The following SPTBN1 variants were observed in gnomAD, a reference collection of about 807,000 sequenced individuals.
The protein encoded by SPTBN1 is spectrin beta, non-erythrocytic 1.
A neutral mutation model predicts 266.4 loss-of-function variants in SPTBN1; 32 were observed. The observed-to-expected ratio is 0.12, with a 90% CI of 0.09 to 0.16. The LOEUF is 0.16. Ranked by LOEUF, SPTBN1 falls within the 10% of genes least tolerant of loss-of-function variation. The pLI is 1.00. For synonymous variants in SPTBN1, 1,336 were observed against 1,162.2 expected (o/e 1.15, Z -3.04); for missense variants, 2,296 against 3,067.1 (o/e 0.75, Z 5.94).
rs750770468 is a variant in SPTBN1, at chr2:54,656,058, T to C, written c.6046+60T>C. On this transcript the variant is annotated intron_variant, in intron 29 of 35. Coordinates refer to ENST00000356805, the MANE Select transcript of SPTBN1 (RefSeq NM_003128.3). Reference sequence around the variant, plus strand: ...TATCAATGGAAAACATGCACGTTTATTTTCTTGCTTTAATTCATTAATGTT... The same window carrying C: ...TATCAATGGAAAACATGCACGTTTACTTTCTTGCTTTAATTCATTAATGTT... 6.3e-5 allele frequency: 89 copies of C among 1,417,552 alleles called. No individual in the cohort carries two copies. In the Middle Eastern group the frequency reaches 1.2e-3, roughly 20 times the overall value. The allele number at this position is 1,417,552 out of a possible 1,614,324, so 87.8% of individuals were successfully genotyped here. A position where few individuals can be genotyped will look rare whatever the true frequency, so the allele number is the denominator to read the frequency against.
At chr2:54,518,469 AG>A in intron 1 of SPTBN1, among the ~76,000 whole-genome samples, 1 of 151,226 alleles carries the variant, frequency 6.6e-6, no homozygotes, top group African/African-American at 2.4e-5. Flanking sequence ...AAAAAAAAAA[AG>A]AAACAGTGGT....
intron 1 of SPTBN1, among the ~76,000 whole-genome samples, chr2:54,518,807 G>A (rs904659564): frequency 2.6e-5 from 4 of 152,154 alleles, no homozygotes; most frequent in African/African-American, 9.7e-5. Context: ...AAGGAAGTGT[G>A]TGTATATGGG....
intron 2 of SPTBN1, among the ~76,000 whole-genome samples, chr2:54,555,620 G>T (rs1230956430): frequency 6.6e-6 from 1 of 152,080 alleles, no homozygotes; most frequent in African/African-American, 2.4e-5. Flanking sequence ...CATCTCTAGA[G>T]TCCAGCCCAC....
chr2:54,590,799 G>A (rs770686848), intron 2 of SPTBN1, among the ~76,000 whole-genome samples: 5 of 152,206 alleles, frequency 3.3e-5, no homozygotes, highest in Non-Finnish European at 5.9e-5. Flanking sequence ...TGATGCCTTA[G>A]GAGAGCCCGT....
At chr2:54,616,184 T>A (rs770293139) in intron 4 of SPTBN1, 23 bp from the exon 5 acceptor site, 63 of 1,608,678 alleles carry the variant, frequency 3.9e-5, no homozygotes, top group Non-Finnish European at 5.2e-5. Flanking sequence ...TCTATTTGTC[T>A]AATATTTCTT....
intron 2 of SPTBN1, among the ~76,000 whole-genome samples, chr2:54,563,621 T>C (rs1233082497): frequency 2.8e-5 from 2 of 72,368 alleles, no homozygotes; most frequent in African/African-American, 9.1e-5. Context: ...TTTTTTTTTT[T>C]GAGACGGGGT....
chr2:54,657,095 A>C (rs1214493738), intron 29 of SPTBN1, among the ~76,000 whole-genome samples: 1 of 152,264 alleles, frequency 6.6e-6, no homozygotes, highest in African/African-American at 2.4e-5. Context: ...ATGAAGTGAA[A>C]ATCAGTGTTA....
chr2:54,476,054 C>A (rs541860964), intron 1 of SPTBN1, among the ~76,000 whole-genome samples: 1 of 151,734 alleles, frequency 6.6e-6, no homozygotes, highest in South Asian at 2.1e-4. Flanking sequence ...AGAAAAATTC[C>A]CTTCCATAGT....
chr2:54,544,042 A>G (rs1381004882), intron 2 of SPTBN1, among the ~76,000 whole-genome samples: 1 of 152,246 alleles, frequency 6.6e-6, no homozygotes, highest in African/African-American at 2.4e-5. Context: ...ATTATTTATA[A>G]TACTTAAAAT....
Position 54,647,072 on chromosome 2 carries a change from C to T in SPTBN1, c.4867-59C>T, listed in dbSNP as rs1056909290. ...CCTGCTGAGCAGCTGGTCTGTCACT[C>T]CTTAAGGGGTAGGGCCAGAGGGGAC... On this transcript the variant is annotated intron_variant, in intron 23 of 35. Coordinates refer to ENST00000356805, the MANE Select transcript of SPTBN1 (RefSeq NM_003128.3). 1.5e-5 allele frequency: 24 copies of T among 1,612,122 alleles called. 1 individual carries two copies. The Admixed American group carries it at 3.3e-4, about 22-fold the overall frequency.
At chr2:54,566,202 TTG>T (rs1673648201) in intron 2 of SPTBN1, among the ~76,000 whole-genome samples, 2 of 149,456 alleles carry the variant, frequency 1.3e-5, no homozygotes, top group Non-Finnish European at 1.5e-5. Context: ...TTTTTTTTTT[TTG>T]TTGAGATGGA....
chr2:54,610,509 C>T (rs1175766802), intron 3 of SPTBN1, among the ~76,000 whole-genome samples: 2 of 152,188 alleles, frequency 1.3e-5, no homozygotes, highest in African/African-American at 2.4e-5. Context: ...AAGCAGTCTG[C>T]CCGCCTCAGC....
chr2:54,618,579 T>A (rs1457760455), intron 7 of SPTBN1, among the ~76,000 whole-genome samples: 1 of 151,936 alleles, frequency 6.6e-6, no homozygotes, highest in Non-Finnish European at 1.5e-5. Context: ...CAACAGGGAG[T>A]CATTGAAGGT....
At chr2:54,560,559 T>A (rs533920429) in intron 2 of SPTBN1, among the ~76,000 whole-genome samples, 7 of 152,182 alleles carry the variant, frequency 4.6e-5, no homozygotes, top group African/African-American at 7.2e-5. Context: ...AGTTTAAATT[T>A]AAAAAAAATC....
At chr2:54,570,461 A>G (rs776898153) in intron 2 of SPTBN1, among the ~76,000 whole-genome samples, 2 of 152,258 alleles carry the variant, frequency 1.3e-5, no homozygotes, top group East Asian at 1.9e-4. Context: ...TGAGCAAAAC[A>G]TAAATACAAA....
rs186699312 is a variant in SPTBN1, at chr2:54,499,799, A to G, written c.-47-26573A>G. Among the ~76,000 whole-genome samples the G allele has an allele frequency of 2.4e-3, 370 of 152,274 alleles. 1 individual carries two copies. The highest frequency in any genetic ancestry group is 8.5e-3 in the African/African-American group (355 of 41,550). ...TTTGCTTTCCCCCTTCCTTTAGCCC[A>G]TGTTTCTCACTATGAACTAATAGTA... On this transcript the variant is annotated intron_variant, in intron 1 of 35. Transcript: ENST00000356805.
chr2:54,611,086 G>T (rs1677177771), intron 3 of SPTBN1, among the ~76,000 whole-genome samples: 2 of 152,130 alleles, frequency 1.3e-5, no homozygotes, highest in South Asian at 2.1e-4. Context: ...GTGTTTGTGT[G>T]TATGAGTTTT....
intron 2 of SPTBN1, among the ~76,000 whole-genome samples, chr2:54,587,837 G>A (rs566831867): frequency 2.6e-5 from 4 of 152,132 alleles, no homozygotes; most frequent in Non-Finnish European, 4.4e-5. Context: ...TACCCACTCC[G>A]CTGGGGAGTG....
intron 2 of SPTBN1, among the ~76,000 whole-genome samples, chr2:54,563,484 T>C (rs1313221612): frequency 2.0e-5 from 3 of 152,176 alleles, no homozygotes; most frequent in Non-Finnish European, 2.9e-5. Context: ...CTACCAAGTT[T>C]ATTACGTATT....
Sources: gnomAD v4.1 joint callset for allele counts (sites outside exome capture counted in the v4.1 genomes callset) on GRCh38, gnomAD v4.1.1 for gene constraint, MANE v1.5 for transcripts, NCBI Gene and HGNC (gene_info 2026-07-23, HGNC 2026-07-21) for gene names.